FHIT: variants seen among roughly 807,000 people sequenced by gnomAD.
The protein encoded by FHIT is bis(5'-adenosyl)-triphosphatase.
Under a neutral mutation model 17.9 loss-of-function variants are expected in FHIT, and 19 were observed. The ratio of observed to expected loss-of-function variants is 1.06; its 90% CI spans 0.74 to 1.56. The LOEUF is 1.56. FHIT is among the 40% of genes most tolerant of loss of function. The pLI is 0.00. For synonymous variants in FHIT, 81 were observed against 69.7 expected (o/e 1.16, Z -0.81); for missense variants, 248 against 189.2 (o/e 1.31, Z -1.82).
intron 5 of FHIT, among the ~76,000 whole-genome samples, chr3:60,528,426 GAAGGAAGGAAAA>G (rs1048616905): frequency 9.3e-5 from 12 of 129,724 alleles, no homozygotes; most frequent in African/African-American, 3.5e-4. Context: ...GAAAAGAAAG[GAAGGAAGGAAAA>G]AAGGAAGGAA....
intron 4 of FHIT, among the ~76,000 whole-genome samples, chr3:60,621,422 T>A (rs2107753529): frequency 6.6e-6 from 1 of 152,232 alleles, no homozygotes; most frequent in Admixed American, 6.5e-5. Context: ...GTGCTGGGAT[T>A]ACAGCCACTA....
intron 5 of FHIT, among the ~76,000 whole-genome samples, chr3:60,481,711 C>G (rs1233076996): frequency 6.6e-6 from 1 of 152,180 alleles, no homozygotes; most frequent in Non-Finnish European, 1.5e-5. Context: ...GTACCAGCTG[C>G]TGCAAAAACA....
At chr3:60,715,886 C>T (rs2041670996) in intron 4 of FHIT, among the ~76,000 whole-genome samples, 1 of 152,192 alleles carries the variant, frequency 6.6e-6, no homozygotes, top group Admixed American at 6.5e-5. Flanking sequence ...ACCTTGCAGA[C>T]TCCCTGGAAG....
intron 8 of FHIT, among the ~76,000 whole-genome samples, chr3:59,798,619 A>G (rs963292213): frequency 2.0e-5 from 3 of 152,240 alleles, no homozygotes; most frequent in Non-Finnish European, 4.4e-5. Flanking sequence ...ATGTACACAA[A>G]GAAGTAGCGG....
intron 3 of FHIT, among the ~76,000 whole-genome samples, chr3:60,955,132 G>C (rs1709055006): frequency 1.3e-5 from 2 of 152,070 alleles, no homozygotes; most frequent in Admixed American, 6.6e-5. Context: ...TGGTAGGCTA[G>C]AATGACCCTT....
chr3:60,369,586 T>C (rs1344497996), intron 5 of FHIT, among the ~76,000 whole-genome samples: 1 of 152,208 alleles, frequency 6.6e-6, no homozygotes, highest in Non-Finnish European at 1.5e-5. Context: ...TCTTGATCCT[T>C]TCACGCTTGC....
At chr3:60,590,054 T>C (rs2038034573) in intron 4 of FHIT, among the ~76,000 whole-genome samples, 1 of 152,110 alleles carries the variant, frequency 6.6e-6, no homozygotes. Flanking sequence ...AGGAGTCCTC[T>C]TTTAATTTTA....
chr3:59,958,921 T>C (rs1383906226), intron 7 of FHIT, among the ~76,000 whole-genome samples: 1 of 152,212 alleles, frequency 6.6e-6, no homozygotes. Flanking sequence ...ACCTCTGTCA[T>C]TACAATCATG....
intron 4 of FHIT, among the ~76,000 whole-genome samples, chr3:60,776,617 G>A (rs1203871706): frequency 1.3e-5 from 2 of 152,174 alleles, no homozygotes; most frequent in Non-Finnish European, 2.9e-5. Flanking sequence ...GGGACACACG[G>A]AACTAACCGC....
chr3:60,267,270 A>G (rs183594717), intron 5 of FHIT, among the ~76,000 whole-genome samples: 1 of 152,122 alleles, frequency 6.6e-6, no homozygotes, highest in Admixed American at 6.6e-5. Context: ...AGGGGTTTTG[A>G]ATTATTTTTT....
chr3:60,326,688 A>C (rs1280369867), intron 5 of FHIT, among the ~76,000 whole-genome samples: 1 of 152,130 alleles, frequency 6.6e-6, no homozygotes, highest in Non-Finnish European at 1.5e-5. Flanking sequence ...ACGATATTTA[A>C]AAAATGGACG....
chr3:60,465,182 T>C (rs1001583969), intron 5 of FHIT, among the ~76,000 whole-genome samples: 2 of 152,176 alleles, frequency 1.3e-5, no homozygotes, highest in Non-Finnish European at 2.9e-5. Context: ...TTGAGAAATG[T>C]CTATCCAGAT....
chr3:60,812,733 T>C (rs1213483494), intron 4 of FHIT, among the ~76,000 whole-genome samples: 2 of 152,128 alleles, frequency 1.3e-5, no homozygotes, highest in Non-Finnish European at 2.9e-5. Context: ...TAGTTCCTCA[T>C]ATGCATACCC....
chr3:60,760,938 G>T (rs1273155383), intron 4 of FHIT, among the ~76,000 whole-genome samples: 1 of 152,098 alleles, frequency 6.6e-6, no homozygotes, highest in Non-Finnish European at 1.5e-5. Context: ...ATATGGAAAT[G>T]ATCTTTATTT....
At chr3:60,898,331 C>T (rs1447358561) in intron 3 of FHIT, among the ~76,000 whole-genome samples, 4 of 152,166 alleles carry the variant, frequency 2.6e-5, no homozygotes, top group African/African-American at 9.7e-5. Context: ...CTCAGACACA[C>T]ACCTTCATGA....
intron 5 of FHIT, among the ~76,000 whole-genome samples, chr3:60,331,514 G>T (rs558938737): frequency 1.2e-3 from 183 of 152,152 alleles, no homozygotes; most frequent in Non-Finnish European, 2.2e-3. Flanking sequence ...AGGTTGGGAA[G>T]ACTTGGTAGC....
At chr3:60,091,584 A>C (rs757584777) in intron 5 of FHIT, among the ~76,000 whole-genome samples, 3 of 152,122 alleles carry the variant, frequency 2.0e-5, no homozygotes, top group Non-Finnish European at 4.4e-5. Context: ...TCCCTGCCCA[A>C]ATTTCACGTG....
chr3:61,209,072 A>C (rs1001505831), intron 1 of FHIT, among the ~76,000 whole-genome samples: 1 of 151,990 alleles, frequency 6.6e-6, no homozygotes, highest in Non-Finnish European at 1.5e-5. Context: ...TCCTTCACTT[A>C]TGAAGCTTAG....
chr3:61,095,038 A>G (rs778727450), intron 2 of FHIT, among the ~76,000 whole-genome samples: 23 of 152,248 alleles, frequency 1.5e-4, no homozygotes, highest in Non-Finnish European at 2.8e-4. Flanking sequence ...AGAATTAGAT[A>G]CTGCAATGGA....
Sources: allele counts gnomAD v4.1 joint callset (sites outside exome capture counted in the v4.1 genomes callset), GRCh38; gene constraint gnomAD v4.1.1; transcripts MANE v1.5; gene names NCBI Gene and HGNC (gene_info 2026-07-23, HGNC 2026-07-21).